Variants in RTTN observed in about 807,000 individuals in gnomAD.
RTTN encodes the protein rotatin.
In RTTN, 182 loss-of-function variants were observed where a neutral mutation model predicts 269.2. The ratio of observed to expected loss-of-function variants is 0.68; its 90% confidence interval spans 0.60 to 0.76. The LOEUF (loss-of-function observed/expected upper bound fraction) is 0.76. Among genes scored for constraint, RTTN ranks in the 30% least tolerant of loss-of-function variants. The probability of loss-of-function intolerance (pLI) is 0.00; values close to 1 mark genes in which losing one functional copy is unlikely to be tolerated. For synonymous variants in RTTN, 1,006 were observed against 963.5 expected, an observed-to-expected ratio of 1.04 and a Z score of -0.82; for missense variants, 2,545 against 2,608.6, an observed-to-expected ratio of 0.98 and a Z score of 0.53.
intron 28 of RTTN, among the ~76,000 whole-genome samples, chr18:70,100,291 T>C (rs1334725192): frequency 6.6e-6 from 1 of 152,266 alleles, no homozygotes; most frequent in Non-Finnish European, 1.5e-5. Flanking sequence ...GAAGACGTCC[T>C]TCACATCCCT....
At chr18:70,159,828 T>C (rs1473391806) in intron 14 of RTTN, among the ~76,000 whole-genome samples, 2 of 151,790 alleles carry the variant, frequency 1.3e-5, no homozygotes, top group South Asian at 4.1e-4. Context: ...CTAGAAGAAA[T>C]GGATAAATTT....
chr18:70,055,670 C>A (rs566576043), intron 37 of RTTN, among the ~76,000 whole-genome samples: 1 of 152,198 alleles, frequency 6.6e-6, no homozygotes, highest in East Asian at 1.9e-4. Context: ...GAAATATTAC[C>A]ATAAATAGAT....
intron 37 of RTTN, among the ~76,000 whole-genome samples, chr18:70,055,581 G>T (rs908652751): frequency 3.3e-5 from 5 of 152,038 alleles, no homozygotes; most frequent in African/African-American, 9.7e-5. Flanking sequence ...TTTGTTTACT[G>T]CCGTGAAGTC....
Position 70,139,352 on chromosome 18 carries a change from C to G in RTTN, c.2788+247G>C, listed in dbSNP as rs534454957. On this transcript the variant is annotated intron_variant, in intron 21 of 48. Coordinates refer to ENST00000640769, the MANE Select transcript of RTTN (RefSeq NM_173630.4). Reference sequence around the variant, plus strand: ...TTACTGTCTGAGCACCAGATGACATCTACATCAAGGCACAAAGAACAATCA... The same window carrying G: ...TTACTGTCTGAGCACCAGATGACATGTACATCAAGGCACAAAGAACAATCA... 2.6e-5 allele frequency among the ~76,000 whole-genome samples: 4 copies of G among 152,298 alleles called. No individual in the cohort carries two copies. In the South Asian group the frequency reaches 6.2e-4, roughly 24 times the overall value.
In RTTN at chr18:70,121,687, G is replaced by T. The variant is rs946731097; in HGVS notation, c.3397C>A (p.Leu1133Ile). The T allele has an allele frequency of 1.2e-5, 18 of 1,553,002 alleles. No individual in the cohort carries two copies. The highest frequency in any genetic ancestry group is 1.5e-5 in the Non-Finnish European group (17 of 1,156,168). ...TTCTCATCTTCAGTGCAAGCAGGAA[G>T]CACCTGTAAAAACCTATAATGAAAA... ...HTALNRFLQV[L>I]PACTEDEKLL... is the part of the protein sequence containing the mutation. The change falls in exon 26 of 49, where the codon CTT becomes ATT. Residue 1133 changes from leucine to isoleucine, a missense_variant. Transcript: ENST00000640769.
chr18:70,129,418 T>TA (rs1472465750), intron 23 of RTTN: 2 of 152,016 alleles, frequency 1.3e-5, no homozygotes, highest in African/African-American at 4.8e-5. Context: ...AGCATGATAC[T>TA]AGCATAAAAA....
chr18:70,032,432 A>G (rs1054895991), intron 40 of RTTN, among the ~76,000 whole-genome samples: 4 of 152,132 alleles, frequency 2.6e-5, no homozygotes, highest in African/African-American at 9.7e-5. Context: ...GCCTGCAGGC[A>G]CTCACCCATC....
intron 25 of RTTN, among the ~76,000 whole-genome samples, chr18:70,125,207 G>C (rs1486159954): frequency 6.6e-6 from 1 of 151,972 alleles, no homozygotes; most frequent in African/African-American, 2.4e-5. Flanking sequence ...ATATACTTTT[G>C]TTAATAGTGA....
chr18:70,062,606 C>G (rs1303332696), intron 35 of RTTN, among the ~76,000 whole-genome samples: 1 of 90,834 alleles, frequency 1.1e-5, no homozygotes, highest in Non-Finnish European at 2.4e-5. Flanking sequence ...ATATCCTCCC[C>G]TCTTTTTTTT....
In RTTN at chr18:70,174,693, G is replaced by C. The variant is rs555153184; in HGVS notation, c.1476+1982C>G. On this transcript the variant is annotated intron_variant, in intron 11 of 48. Transcript: ENST00000640769. ...GTGTTTAATTAAATGGAAAATGTAT[G>C]TTAGATAATAAGAAATGGTTAAAAA... Among the ~76,000 whole-genome samples the C allele has an allele frequency of 2.7e-5, 4 of 150,312 alleles. No homozygotes were observed. In the Admixed American group the frequency reaches 2.7e-4, roughly 10 times the overall value.
At chr18:70,074,112 G>T in intron 33 of RTTN, 118 bp from the exon 34 acceptor site, 1 of 591,238 alleles carries the variant, frequency 1.7e-6, no homozygotes, top group Non-Finnish European at 2.9e-6. Context: ...AAACTTATAT[G>T]GATCTGGCTT....
At chr18:70,053,357 C>T (rs913780215) in intron 38 of RTTN, 1 of 152,180 alleles carries the variant, frequency 6.6e-6, no homozygotes, top group African/African-American at 2.4e-5. Flanking sequence ...CCTTGTTGAG[C>T]TTGTCCAGTC....
Position 70,073,952 on chromosome 18 carries a change from G to A in RTTN, c.4607C>T (p.Thr1536Ile), listed in dbSNP as rs2058362661. The A allele has an allele frequency of 1.2e-6, 2 of 1,611,864 alleles. No homozygotes were observed. Among genetic ancestry groups the A allele is most frequent in the African/African-American group, 1.3e-5 (1 of 74,870 alleles). The change falls in exon 34 of 49, where the codon ACA (threonine) becomes ATA (isoleucine). Residue 1536 changes from threonine to isoleucine, a missense_variant. Transcript: ENST00000640769. The stretch of plus-strand genomic sequence containing the variant: ...AGAACTTGGATCTCGATCCTGACTT[G>A]TCCTAGATGGAGCCCTCCAAAACTT... ...SFKFWRAPSRTSQDRDPSSLS... is the reference protein window; with the variant it reads ...SFKFWRAPSRISQDRDPSSLS...
intron 25 of RTTN, among the ~76,000 whole-genome samples, chr18:70,122,943 C>A (rs1272536124): frequency 6.6e-6 from 1 of 152,020 alleles, no homozygotes; most frequent in Non-Finnish European, 1.5e-5. Context: ...CCCTCATATC[C>A]CCTAAATCTA....
chr18:70,015,164 C>T (rs180946897), intron 46 of RTTN, among the ~76,000 whole-genome samples: 20 of 151,966 alleles, frequency 1.3e-4, no homozygotes, highest in African/African-American at 4.8e-4. Context: ...CTGCAACCTC[C>T]GTCTCCCCAG....
intron 32 of RTTN, among the ~76,000 whole-genome samples, chr18:70,081,013 G>T (rs1323134938): frequency 6.6e-6 from 1 of 151,654 alleles, no homozygotes; most frequent in African/African-American, 2.4e-5. Flanking sequence ...ATGAATTAAT[G>T]GTATTCGCAG....
At chr18:70,150,757 T>C (rs753055243) in intron 14 of RTTN, 24 bp from the exon 15 acceptor site, 43 of 1,523,212 alleles carry the variant, frequency 2.8e-5, no homozygotes, top group Non-Finnish European at 3.5e-5. Flanking sequence ...TTAAAAAGTA[T>C]TTTTAAATTA....
Position 70,049,723 on chromosome 18 carries a change from C to CT in RTTN, c.5324-1536dup, listed in dbSNP as rs1386968959. Among the ~76,000 whole-genome samples, 5 of 152,104 alleles carry CT rather than the reference C, an allele frequency of 3.3e-5. No individual in the cohort carries two copies. The South Asian group carries it at 1.0e-3, about 32-fold the overall frequency. On this transcript the variant is annotated intron_variant, in intron 39 of 48. Transcript: ENST00000640769. ...TATGAATATTTATGTTAAAAAACAGCTTTTTTCTATGCTAAAATTTAGGAG... is the reference window on the plus strand; with the variant it reads ...TATGAATATTTATGTTAAAAAACAGCTTTTTTTCTATGCTAAAATTTAGGAG...
At chr18:70,030,201 A>G (rs1327954436) in intron 41 of RTTN, 92 bp from the exon 42 acceptor site, 1 of 830,726 alleles carries the variant, frequency 1.2e-6, no homozygotes, top group Non-Finnish European at 1.9e-6. Context: ...AAAAGGTAAC[A>G]TTTTCTATTT....
Sources: gnomAD v4.1 joint callset for allele counts (sites outside exome capture counted in the v4.1 genomes callset) on GRCh38, gnomAD v4.1.1 for gene constraint, MANE v1.5 for transcripts, NCBI Gene and HGNC (gene_info 2026-07-23, HGNC 2026-07-21) for gene names.